COMMD10: variants seen among roughly 807,000 people sequenced by gnomAD.
COMMD10 encodes COMM domain containing 10, also known as COMM domain-containing protein 10.
Under a neutral mutation model 28.9 loss-of-function variants are expected in COMMD10, and 33 were observed. That is an observed-to-expected ratio of 1.14 (90% CI 0.87 to 1.53). The LOEUF (loss-of-function observed/expected upper bound fraction) is 1.53. Among genes scored for constraint, COMMD10 ranks in the 40% most tolerant of loss-of-function variants. The pLI, the probability that COMMD10 is intolerant of heterozygous loss-of-function variation, is 0.00. For missense variants in COMMD10, 310 were observed against 233.4 expected (o/e 1.33, Z -2.14); for synonymous variants, 110 against 81.7 (o/e 1.35, Z -1.87).
chr5:116,230,260 T>C (rs1359246516), intron 5 of COMMD10, among the ~76,000 whole-genome samples: 2 of 152,052 alleles, frequency 1.3e-5, no homozygotes, highest in Non-Finnish European at 2.9e-5. Context: ...ACTTGTTAAG[T>C]GGTAATGGTG....
At chr5:116,151,901 T>G (rs1242439070) in intron 5 of COMMD10, among the ~76,000 whole-genome samples, 2 of 152,190 alleles carry the variant, frequency 1.3e-5, no homozygotes, top group Admixed American at 6.5e-5. Context: ...TCTGCTAGCT[T>G]TGGAATATGT....
intron 5 of COMMD10, among the ~76,000 whole-genome samples, chr5:116,275,457 C>T (rs1175882281): frequency 3.3e-5 from 5 of 151,620 alleles, no homozygotes; most frequent in African/African-American, 1.2e-4. Flanking sequence ...TTCTCTGTGC[C>T]CTATACTTTG....
chr5:116,197,138 A>G (rs926197899), intron 5 of COMMD10, among the ~76,000 whole-genome samples: 8 of 152,106 alleles, frequency 5.3e-5, no homozygotes, highest in Non-Finnish European at 8.8e-5. Flanking sequence ...GGGTTGCCTC[A>G]TCAAATTTTG....
intron 5 of COMMD10, among the ~76,000 whole-genome samples, chr5:116,263,376 G>A (rs1254562894): frequency 1.3e-5 from 2 of 151,528 alleles, no homozygotes; most frequent in African/African-American, 2.4e-5. Context: ...ATAACATTAC[G>A]AGACAAGGAA....
At chr5:116,257,523 T>C (rs914592646) in intron 5 of COMMD10, among the ~76,000 whole-genome samples, 18 of 151,748 alleles carry the variant, frequency 1.2e-4, no homozygotes, top group African/African-American at 3.9e-4. Flanking sequence ...AAAACAGCTT[T>C]TGACAGTTGG....
At chr5:116,233,733 C>A (rs1224336011) in intron 5 of COMMD10, among the ~76,000 whole-genome samples, 1 of 152,054 alleles carries the variant, frequency 6.6e-6, no homozygotes, top group African/African-American at 2.4e-5. Flanking sequence ...AGAAAGTGAG[C>A]TTGGTATCTT....
chr5:116,155,416 CCTGT>C (rs1221977807), intron 5 of COMMD10, among the ~76,000 whole-genome samples: 3 of 152,036 alleles, frequency 2.0e-5, no homozygotes, highest in African/African-American at 4.8e-5. Context: ...AAGAAAGTCT[CCTGT>C]CTGTTTCCAT....
chr5:116,224,575 C>T (rs998725366), intron 5 of COMMD10, among the ~76,000 whole-genome samples: 5 of 152,028 alleles, frequency 3.3e-5, no homozygotes, highest in East Asian at 1.9e-4. Context: ...GCCGCGGTGC[C>T]GCACTCTTTT....
In COMMD10 at chr5:116,170,632, A is replaced by C. The variant is rs182390367; in HGVS notation, c.510+36454A>C. On this transcript the variant is annotated intron_variant, in intron 5 of 6. Coordinates refer to ENST00000274458, the MANE Select transcript of COMMD10 (RefSeq NM_016144.4). ...AAAACAGCATGGTACTGGTACCAAA[A>C]CAGATATATATACCAGTGGAACAGA... Among the ~76,000 whole-genome samples, 870 of 152,336 alleles carry C rather than the reference A, an allele frequency of 5.7e-3. 9 individuals carry two copies. The highest frequency in any genetic ancestry group is 0.02 in the African/African-American group (828 of 41,580).
At chr5:116,092,833 C>G in intron 4 of COMMD10, 133 bp downstream of exon 4, 1 of 535,248 alleles carries the variant, frequency 1.9e-6, no homozygotes, top group Non-Finnish European at 3.1e-6. Flanking sequence ...TGCTCCTCAA[C>G]TTACAATGGC....
At chr5:116,259,025 T>C (rs1440619389) in intron 5 of COMMD10, among the ~76,000 whole-genome samples, 4 of 151,502 alleles carry the variant, frequency 2.6e-5, no homozygotes, top group African/African-American at 9.7e-5. Flanking sequence ...GTCTTTGTCT[T>C]CTATCTCAAT....
chr5:116,211,388 A>C (rs1346736901), intron 5 of COMMD10, among the ~76,000 whole-genome samples: 1 of 152,242 alleles, frequency 6.6e-6, no homozygotes, highest in African/African-American at 2.4e-5. Context: ...GCTGAATACT[A>C]TAGGCAATTG....
intron 5 of COMMD10, among the ~76,000 whole-genome samples, chr5:116,226,959 A>T (rs1476899794): frequency 6.6e-6 from 1 of 152,062 alleles, no homozygotes; most frequent in Non-Finnish European, 1.5e-5. Context: ...CTCATTTCAT[A>T]TGAGTTCATA....
At chr5:116,217,878 C>A (rs1339721546) in intron 5 of COMMD10, 5 of 592,794 alleles carry the variant, frequency 8.4e-6, no homozygotes, top group African/African-American at 7.5e-5. Flanking sequence ...CCCCACAAAA[C>A]AACAATGAAG....
At chr5:116,108,232 C>G (rs1750909766) in intron 4 of COMMD10, among the ~76,000 whole-genome samples, 1 of 152,250 alleles carries the variant, frequency 6.6e-6, no homozygotes, top group Non-Finnish European at 1.5e-5. Context: ...CTCTCCAGAG[C>G]TGCCAGGCAG....
At chr5:116,217,463 C>T (rs1288635595) in intron 5 of COMMD10, among the ~76,000 whole-genome samples, 1 of 152,192 alleles carries the variant, frequency 6.6e-6, no homozygotes, top group Non-Finnish European at 1.5e-5. Flanking sequence ...TTTTCACAAG[C>T]TGACCCTGAC....
intron 5 of COMMD10, among the ~76,000 whole-genome samples, chr5:116,219,885 C>G (rs922732216): frequency 6.6e-6 from 1 of 151,908 alleles, no homozygotes; most frequent in Non-Finnish European, 1.5e-5. Context: ...TAAACTGCCT[C>G]TTTCTGGTAT....
chr5:116,289,135 G>C (rs953897415), intron 5 of COMMD10, among the ~76,000 whole-genome samples: 8 of 151,660 alleles, frequency 5.3e-5, no homozygotes, highest in African/African-American at 1.9e-4. Context: ...ACCCACCTCA[G>C]CCTCCCAAAG....
At chr5:116,162,806 C>T (rs1049406364) in intron 5 of COMMD10, among the ~76,000 whole-genome samples, 9 of 152,120 alleles carry the variant, frequency 5.9e-5, no homozygotes, top group South Asian at 2.1e-4. Context: ...GTTGGGTTAT[C>T]GCACAGAACA....
Sources: allele counts gnomAD v4.1 joint callset (sites outside exome capture counted in the v4.1 genomes callset), GRCh38; gene constraint gnomAD v4.1.1; transcripts MANE v1.5; gene names NCBI Gene and HGNC (gene_info 2026-07-23, HGNC 2026-07-21).